TDRP: variants seen among roughly 807,000 people sequenced by gnomAD.
The protein encoded by TDRP is testis development-related protein.
In TDRP, 12 loss-of-function variants were observed where a neutral mutation model predicts 10.5. The observed-to-expected ratio is 1.15, with a 90% CI of 0.73 to 1.86. TDRP has a LOEUF of 1.86. Ranked by LOEUF, TDRP falls within the 40% of genes most tolerant of loss-of-function variation. TDRP has a pLI of 0.00. For synonymous variants in TDRP, 139 were observed against 95.4 expected (o/e 1.46, Z -2.67); for missense variants, 353 against 229.2 (o/e 1.54, Z -3.49).
chr8:538,037 C>T (rs954048871), intron 1 of TDRP, among the ~76,000 whole-genome samples: 1 of 152,166 alleles, frequency 6.6e-6, no homozygotes, highest in African/African-American at 2.4e-5. Flanking sequence ...ATGTCTGCAA[C>T]CTTTCACCAC....
intron 1 of TDRP, among the ~76,000 whole-genome samples, chr8:538,431 T>C (rs1216624366): frequency 6.6e-6 from 1 of 152,198 alleles, no homozygotes; most frequent in African/African-American, 2.4e-5. Flanking sequence ...TTTGTGCCCA[T>C]GTGTCAGATG....
chr8:505,273 A>G lies in TDRP; in HGVS notation c.109-10676T>C, dbSNP rs1403608706. Among the ~76,000 whole-genome samples the G allele has an allele frequency of 4.6e-5, 7 of 152,242 alleles. No individual in the cohort carries two copies. In the East Asian group the frequency reaches 1.3e-3, roughly 29 times the overall value. On this transcript the variant is annotated intron_variant, in intron 1 of 2. Coordinates refer to ENST00000324079, the MANE Select transcript of TDRP (RefSeq NM_001384899.1). ...TGAAAAGGATTAATTCCGTAAGTGCATTAACTGTACAAGTCCACAAATACC... is the reference window on the plus strand; with the variant it reads ...TGAAAAGGATTAATTCCGTAAGTGCGTTAACTGTACAAGTCCACAAATACC...
intron 1 of TDRP, among the ~76,000 whole-genome samples, chr8:502,943 A>G (rs1205072429): frequency 6.6e-6 from 1 of 151,880 alleles, no homozygotes; most frequent in Non-Finnish European, 1.5e-5. Flanking sequence ...TTGAATCCAG[A>G]GCCACACACT....
chr8:541,133 C>T (rs1346966631), intron 1 of TDRP, among the ~76,000 whole-genome samples: 1 of 152,172 alleles, frequency 6.6e-6, no homozygotes, highest in Non-Finnish European at 1.5e-5. Context: ...TAATTTAATT[C>T]TAACATCTTA....
At chr8:501,899 T>G (rs1249706468) in intron 1 of TDRP, among the ~76,000 whole-genome samples, 2 of 152,174 alleles carry the variant, frequency 1.3e-5, no homozygotes, top group African/African-American at 4.8e-5. Context: ...GAGCTGTGCA[T>G]GACCCTGACC....
rs1800997649 is a variant in TDRP, at chr8:492,255, T to C, written c.*144A>G. On this transcript the variant is annotated 3_prime_UTR_variant, in exon 3 of 3. Coordinates refer to ENST00000324079, the MANE Select transcript of TDRP (RefSeq NM_001384899.1). ...GAGTCACAGTGTGTGTGAGAGTTCA[T>C]TAAATAAAGAAACAGAGGTCCAAAT... is the stretch of plus-strand genomic sequence containing the variant. The C allele has an allele frequency of 1.5e-6, 2 of 1,335,172 alleles. No individual in the cohort carries two copies. The highest frequency in any genetic ancestry group is 3.5e-5 in the Admixed American group (1 of 28,700). 82.7% of individuals were successfully genotyped at this position (1,335,172 alleles called of 1,614,324 possible). A position where few individuals can be genotyped will look rare whatever the true frequency, so the allele number is the denominator to read the frequency against.
chr8:536,614 TG>T (rs1295235637), intron 1 of TDRP, among the ~76,000 whole-genome samples: 5 of 152,192 alleles, frequency 3.3e-5, no homozygotes, highest in Middle Eastern at 3.2e-3. Flanking sequence ...TATGAGAGTA[TG>T]AAAAAAATGT....
intron 1 of TDRP, among the ~76,000 whole-genome samples, chr8:504,121 G>C (rs1420876903): frequency 8.5e-5 from 13 of 152,212 alleles, no homozygotes. Context: ...CAGTCCACCT[G>C]AGCCTGCCCT....
At chr8:542,838 C>T (rs1160235290) in intron 1 of TDRP, among the ~76,000 whole-genome samples, 1 of 109,964 alleles carries the variant, frequency 9.1e-6, no homozygotes, top group Non-Finnish European at 1.8e-5. Context: ...CCCTGGGCGA[C>T]AAGAGCGAAA....
intron 1 of TDRP, among the ~76,000 whole-genome samples, chr8:529,478 A>C (rs1802126235): frequency 6.6e-6 from 1 of 152,058 alleles, no homozygotes; most frequent in South Asian, 2.1e-4. Flanking sequence ...TTTTTCATAT[A>C]CTTTTATATT....
intron 1 of TDRP, among the ~76,000 whole-genome samples, chr8:509,634 C>T (rs139237895): frequency 9.2e-5 from 14 of 152,162 alleles, no homozygotes; most frequent in South Asian, 6.2e-4. Flanking sequence ...TTTTTTCCTC[C>T]GGGCCTCCAG....
At chr8:509,320 G>A (rs994905118) in intron 1 of TDRP, among the ~76,000 whole-genome samples, 3 of 152,166 alleles carry the variant, frequency 2.0e-5, no homozygotes, top group African/African-American at 7.2e-5. Context: ...CTTCCATACT[G>A]GCCCAGCAGA....
At chr8:523,036 A>G (rs2116828015) in intron 1 of TDRP, among the ~76,000 whole-genome samples, 1 of 152,316 alleles carries the variant, frequency 6.6e-6, no homozygotes, top group Non-Finnish European at 1.5e-5. Context: ...CTGATAGGGT[A>G]GGACTTACTA....
In TDRP at chr8:492,567, G is replaced by A. The variant is rs1289444259; in HGVS notation, c.390C>T (p.His130=). 3 of 1,613,346 alleles carry A rather than the reference G, an allele frequency of 1.9e-6. No homozygotes were observed. The highest frequency in any genetic ancestry group is 1.3e-5 in the African/African-American group (1 of 75,058). ...SADPEDTVGG[H]PSWSGWEDDA... is the part of the protein sequence containing the mutation. ...CATCCTCCCAGCCTGACCAGGATGG[G>A]TGGCCACCCACGGTGTCCTCAGGGT... The change falls in exon 3 of 3, where the codon CAC becomes CAT. Residue 130 remains histidine, a synonymous_variant. Coordinates refer to ENST00000324079, the MANE Select transcript of TDRP (RefSeq NM_001384899.1).
chr8:521,246 C>CAAAAAAAAAAAAAA (rs57263869), intron 1 of TDRP, among the ~76,000 whole-genome samples: 1 of 84,544 alleles, frequency 1.2e-5, no homozygotes, highest in Non-Finnish European at 2.2e-5. Context: ...ACTAAAAATC[C>CAAAAAAAAAAAAAA]AAAAAAAAAA....
chr8:492,037 C>T lies in TDRP; in HGVS notation c.*362G>A, dbSNP rs752950070. Reference sequence around the variant, plus strand: ...ACGTGCTACATACAAGAAAAAGGTACGGAAGTTCTGAAACAGAACTACAAC... The same window carrying T: ...ACGTGCTACATACAAGAAAAAGGTATGGAAGTTCTGAAACAGAACTACAAC... On this transcript the variant is annotated 3_prime_UTR_variant, in exon 3 of 3. Coordinates refer to ENST00000324079, the MANE Select transcript of TDRP (RefSeq NM_001384899.1). The T allele has an allele frequency of 6.6e-5, 74 of 1,117,484 alleles. No homozygotes were observed. Among genetic ancestry groups the T allele is most frequent in the African/African-American group, 8.1e-5 (5 of 61,742 alleles). The allele number at this position is 1,117,484 out of a possible 1,614,324, so 69.2% of individuals were successfully genotyped here.
At chr8:521,193 G>A (rs531239225) in intron 1 of TDRP, among the ~76,000 whole-genome samples, 2 of 140,554 alleles carry the variant, frequency 1.4e-5, no homozygotes, top group South Asian at 2.2e-4. Context: ...ATGAGGTCAG[G>A]AGATAGAGAT....
chr8:507,779 T>C (rs989242277), intron 1 of TDRP, among the ~76,000 whole-genome samples: 2 of 152,186 alleles, frequency 1.3e-5, no homozygotes, highest in African/African-American at 2.4e-5. Flanking sequence ...CTACAATGTA[T>C]CATCCAAAAT....
At chr8:529,526 T>C (rs1390417522) in intron 1 of TDRP, among the ~76,000 whole-genome samples, 1 of 152,118 alleles carries the variant, frequency 6.6e-6, no homozygotes. Context: ...TCAAAGAATC[T>C]CTTTAGCATT....
Sources: allele counts gnomAD v4.1 joint callset (sites outside exome capture counted in the v4.1 genomes callset), GRCh38; gene constraint gnomAD v4.1.1; transcripts MANE v1.5; gene names NCBI Gene and HGNC (gene_info 2026-07-23, HGNC 2026-07-21).